Variants in SMG1 observed in about 807,000 individuals in gnomAD.
The protein encoded by SMG1 is serine/threonine-protein kinase SMG1.
A neutral mutation model predicts 419.9 loss-of-function variants in SMG1; 22 were observed. That is an observed-to-expected ratio of 0.05 (90% CI 0.04 to 0.07). The LOEUF (loss-of-function observed/expected upper bound fraction) is 0.07. SMG1 is among the 10% of genes least tolerant of loss of function. SMG1 has a pLI of 1.00. For missense variants in SMG1, 3,185 were observed against 4,342.0 expected, an observed-to-expected ratio of 0.73 and a Z score of 7.49; for synonymous variants, 1,538 against 1,553.5, an observed-to-expected ratio of 0.99 and a Z score of 0.23.
intron 55 of SMG1, 101 bp from the exon 56 acceptor site, chr16:18,819,755 G>A: frequency 8.6e-7 from 1 of 1,161,098 alleles, no homozygotes; most frequent in Non-Finnish European, 1.2e-6. Context: ...AAGAACCAGG[G>A]TGGACACATG....
At chr16:18,827,932 C>G (rs953215097) in intron 55 of SMG1, 99 bp downstream of exon 55, 7 of 1,237,788 alleles carry the variant, frequency 5.7e-6, no homozygotes, top group Non-Finnish European at 5.4e-6. Context: ...AAGCCAAGGA[C>G]ACACAAATAG....
intron 50 of SMG1, among the ~76,000 whole-genome samples, chr16:18,833,400 T>C (rs1392919581): frequency 2.0e-5 from 3 of 152,174 alleles, no homozygotes; most frequent in African/African-American, 4.8e-5. Flanking sequence ...CTTTAAAAAG[T>C]TGTCATATAA....
intron 55 of SMG1, among the ~76,000 whole-genome samples, chr16:18,827,111 C>G (rs1307842579): frequency 6.6e-6 from 1 of 151,968 alleles, no homozygotes; most frequent in Non-Finnish European, 1.5e-5. Context: ...CTATAAGATT[C>G]AGTTACCTTG....
rs2036560211 is a variant in SMG1, at chr16:18,885,079, G to A, written c.1021+11C>T. ...AGTATTTAAATAACTGGTATAGGCT[G>A]CAAGACTTACCAGATACCTGCTGCG... On this transcript the variant is annotated intron_variant, in intron 8 of 62. Transcript: ENST00000446231. The A allele has an allele frequency of 2.9e-6, 2 of 688,544 alleles. No individual in the cohort carries two copies. Among genetic ancestry groups the A allele is most frequent in the East Asian group, 5.4e-5 (2 of 37,346 alleles). 42.7% of individuals were successfully genotyped at this position (688,544 alleles called of 1,614,324 possible).
chr16:18,909,909 T>C (rs911004579), intron 1 of SMG1, among the ~76,000 whole-genome samples: 8 of 152,080 alleles, frequency 5.3e-5, no homozygotes, highest in Admixed American at 4.6e-4. Context: ...ACAAACCCTA[T>C]CTTTTTCTTT....
In SMG1 at chr16:18,859,175, C is replaced by T; in HGVS notation, c.3960G>A (p.Val1320=). Residue 1320 remains valine (V), a synonymous_variant, in exon 28 of 63, where the codon GTG becomes GTA. Coordinates refer to ENST00000446231, the MANE Select transcript of SMG1 (RefSeq NM_015092.5). ...GGGATGTTTGCTTCAAGTACTTTAC[C>T]ACATTTCTGAAACAAAATATTTACT... ...DQKWQSITEN[V]VKYLKQTSRI... 3 of 1,532,642 alleles carry T rather than the reference C, an allele frequency of 2.0e-6. No homozygotes were observed. The highest frequency in any genetic ancestry group is 2.6e-6 in the Non-Finnish European group (3 of 1,144,776). 94.9% of individuals were successfully genotyped at this position (1,532,642 alleles called of 1,614,324 possible). A position where few individuals can be genotyped will look rare whatever the true frequency, so the allele number is the denominator to read the frequency against.
At position 18,853,635 on chromosome 16, in the gene SMG1, T is replaced by C. The variant is rs1247408809; in HGVS notation, c.4716A>G (p.Pro1572=). Residue 1572 remains proline (P), a synonymous_variant, in exon 31 of 63, where the codon CCA becomes CCG. Transcript: ENST00000446231. Reference sequence around the variant, plus strand: ...ACTCTTCTTCCATCGTATTAACAGATGGCAGTTCTATTAGAGTGAGTATGT... The same window carrying C: ...ACTCTTCTTCCATCGTATTAACAGACGGCAGTTCTATTAGAGTGAGTATGT... ...SKNILTLIEL[P]SVNTMEEEYP... 7 of 1,610,790 alleles carry C rather than the reference T, an allele frequency of 4.3e-6. No individual in the cohort carries two copies. Among genetic ancestry groups the C allele is most frequent in the African/African-American group, 1.3e-5 (1 of 75,058 alleles).
intron 4 of SMG1, 85 bp from the exon 5 acceptor site, chr16:18,891,006 T>C (rs1039289106): frequency 4.0e-6 from 3 of 756,358 alleles, no homozygotes; most frequent in Non-Finnish European, 7.1e-6. Flanking sequence ...TGTCTTCCCC[T>C]CCAAATTCTA....
rs1229431262 is a variant in SMG1 at position 18,841,590 on chromosome 16, C to T, written c.6671G>A (p.Arg2224Gln). The T allele has an allele frequency of 6.2e-6, 10 of 1,613,858 alleles. No homozygotes were observed. The highest frequency in any genetic ancestry group is 7.6e-6 in the Non-Finnish European group (9 of 1,179,846). The change falls in exon 41 of 63, where the codon CGG becomes CAG. Residue 2224 changes from arginine (R) to glutamine (Q), a missense_variant. Around this residue, in one of 27 missense-constraint regions of SMG1, gnomAD observed 132 missense variants for 151.0 expected, o/e 0.87. Coordinates refer to ENST00000446231, the MANE Select transcript of SMG1 (RefSeq NM_015092.5). The stretch of plus-strand genomic sequence containing the variant: ...CTTTTGTGCTTGTAAGGCAGCTTCC[C>T]GTTGTTGCCATCGTTTGTAAAGACC... ...LFGLYKRWQQ[R>Q]EAALQAQKAQ... is the part of the protein sequence containing the mutation.
At chr16:18,891,984 T>C (rs2036903147) in intron 4 of SMG1, among the ~76,000 whole-genome samples, 1 of 152,194 alleles carries the variant, frequency 6.6e-6, no homozygotes, top group African/African-American at 2.4e-5. Flanking sequence ...GGAGGATAGC[T>C]TGAATCCAGG....
At chr16:18,837,754 C>T (rs1340575895) in intron 45 of SMG1, among the ~76,000 whole-genome samples, 1 of 152,172 alleles carries the variant, frequency 6.6e-6, no homozygotes, top group East Asian at 1.9e-4. Context: ...CTGGTAAACA[C>T]ATTTCAATAA....
chr16:18,897,140 A>T (rs1423713018), intron 1 of SMG1, among the ~76,000 whole-genome samples, 184 bp from the exon 2 acceptor site: 2 of 152,188 alleles, frequency 1.3e-5, no homozygotes, highest in African/African-American at 4.8e-5. Context: ...GAGATTCTCA[A>T]TGGATGAAAT....
In SMG1 at chr16:18,873,665, C is replaced by T. The variant is rs374945854; in HGVS notation, c.1891-1041G>A. ...ATTTGGCCCATGGACCATAGTTTGC[C>T]GATCTCTGGTCTAAACAAAGCCCTC... is the stretch of plus-strand genomic sequence containing the variant. On this transcript the variant is annotated intron_variant, in intron 13 of 62. Transcript: ENST00000446231. 2.3e-4 allele frequency among the ~76,000 whole-genome samples: 35 copies of T among 152,324 alleles called. 1 individual carries two copies. The South Asian group carries it at 6.4e-3, about 28-fold the overall frequency.
intron 1 of SMG1, among the ~76,000 whole-genome samples, chr16:18,924,235 A>C (rs890381605): frequency 1.3e-5 from 2 of 152,200 alleles, no homozygotes; most frequent in Non-Finnish European, 2.9e-5. Context: ...ATATTTATTA[A>C]TAGCTCATGT....
intron 60 of SMG1, among the ~76,000 whole-genome samples, chr16:18,813,750 T>C (rs1159640812): frequency 6.6e-6 from 1 of 152,238 alleles, no homozygotes; most frequent in African/African-American, 2.4e-5. Flanking sequence ...GCCTATGTCC[T>C]GAATGGTATT....
At chr16:18,843,056 G>A (rs927364986) in intron 39 of SMG1, among the ~76,000 whole-genome samples, 6 of 152,056 alleles carry the variant, frequency 3.9e-5, no homozygotes, top group Admixed American at 2.0e-4. Flanking sequence ...ACCCAATTAG[G>A]GGCTTTTAGC....
chr16:18,898,595 C>T (rs546976090), intron 1 of SMG1, among the ~76,000 whole-genome samples: 1 of 152,212 alleles, frequency 6.6e-6, no homozygotes, highest in East Asian at 1.9e-4. Context: ...GAGATTGAAA[C>T]ATAAGAGAGC....
In SMG1 at chr16:18,815,425, A is replaced by G. The variant is rs1478278129; in HGVS notation, c.10514+15T>C. 1 of 1,612,600 alleles carries G rather than the reference A, an allele frequency of 6.2e-7. No homozygotes were observed. The highest frequency in any genetic ancestry group is 1.7e-5 in the Admixed American group (1 of 60,030). On this transcript the variant is annotated intron_variant, in intron 59 of 62. Transcript: ENST00000446231. ...TACTTATGTTTTATAAATTCTGACC[A>G]GAAGGCATTCTTACCTCTGACTTTG...
chr16:18,834,488 C>T, intron 49 of SMG1, 50 bp from the exon 50 acceptor site: 2 of 1,541,476 alleles, frequency 1.3e-6, no homozygotes, highest in African/African-American at 2.7e-5. Context: ...ATAAACAAAA[C>T]AAGGTAACTG....
Sources: gnomAD v4.1 joint callset for allele counts (sites outside exome capture counted in the v4.1 genomes callset) on GRCh38, gnomAD v4.1.1 for gene constraint, gnomAD v4.1.1 regional missense constraint, MANE v1.5 for transcripts, NCBI Gene and HGNC (gene_info 2026-07-23, HGNC 2026-07-21) for gene names.